The following ARHGAP6 variants were observed in gnomAD, a reference collection of about 807,000 sequenced individuals.
ARHGAP6 encodes the protein Rho GTPase activating protein 6.
ARHGAP6 carries 16 observed loss-of-function variants against 55.7 expected under a neutral mutation model. The ratio of observed to expected loss-of-function variants is 0.29; its 90% CI spans 0.19 to 0.44. ARHGAP6 has a LOEUF of 0.44. Among genes scored for constraint, ARHGAP6 ranks in the 20% least tolerant of loss-of-function variants. ARHGAP6 has a pLI of 1.00. For synonymous variants in ARHGAP6, 382 were observed against 360.9 expected (o/e 1.06, Z -0.66); for missense variants, 698 against 808.9 (o/e 0.86, Z 1.66).
chrX:11,369,166 T>TTTTG (rs753815332), intron 1 of ARHGAP6, among the ~76,000 whole-genome samples: 425 of 111,322 alleles, frequency 3.8e-3, no homozygotes, highest in Non-Finnish European at 5.3e-3. Flanking sequence ...GTGGTAGGTT[T>TTTTG]TTTGTTTGTT....
intron 1 of ARHGAP6, among the ~76,000 whole-genome samples, chrX:11,627,615 G>A (rs988224303): frequency 4.5e-5 from 5 of 110,986 alleles, no homozygotes; most frequent in African/African-American, 9.8e-5. Context: ...CCAGTAATTA[G>A]GTCAAAGTGA....
At chrX:11,243,625 A>C (rs2147464774) in intron 2 of ARHGAP6, among the ~76,000 whole-genome samples, 1 of 112,308 alleles carries the variant, frequency 8.9e-6, no homozygotes, top group African/African-American at 3.2e-5. Flanking sequence ...AAAGGAACTC[A>C]TCTCACCTTG....
At chrX:11,428,450 C>T (rs1379483234) in intron 1 of ARHGAP6, among the ~76,000 whole-genome samples, 1 of 112,107 alleles carries the variant, frequency 8.9e-6, no homozygotes, top group Non-Finnish European at 1.9e-5. Flanking sequence ...CTTTAAAACA[C>T]CTTGGAGAAG....
chrX:11,159,624 T>C (rs2045913431), intron 9 of ARHGAP6, among the ~76,000 whole-genome samples: 1 of 110,770 alleles, frequency 9.0e-6, no homozygotes, highest in Admixed American at 9.6e-5. Flanking sequence ...TTTTGGAGTG[T>C]GGTTTTGATA....
intron 1 of ARHGAP6, among the ~76,000 whole-genome samples, chrX:11,625,286 A>AGTGTGTGT (rs56128798): frequency 1.0e-5 from 1 of 98,023 alleles, no homozygotes; most frequent in East Asian, 3.1e-4. Context: ...GAAAATGTGG[A>AGTGTGTGT]GTGTGTGTGT....
chrX:11,639,200 A>G (rs1420571812), intron 1 of ARHGAP6, among the ~76,000 whole-genome samples: 1 of 110,189 alleles, frequency 9.1e-6, no homozygotes, highest in Non-Finnish European at 1.9e-5. Flanking sequence ...AGTATAAATT[A>G]TTTTACAATT....
chrX:11,278,361 G>A (rs1324450450), intron 1 of ARHGAP6, among the ~76,000 whole-genome samples: 1 of 111,222 alleles, frequency 9.0e-6, no homozygotes, highest in African/African-American at 3.3e-5. Context: ...AGAGTTTGAG[G>A]AAGATGTGAC....
chrX:11,158,268 G>C (rs889652110), intron 9 of ARHGAP6, among the ~76,000 whole-genome samples: 1 of 111,578 alleles, frequency 9.0e-6, no homozygotes, highest in Non-Finnish European at 1.9e-5. Flanking sequence ...GAAAACCCTG[G>C]AGGTTTTCCC....
intron 3 of ARHGAP6, among the ~76,000 whole-genome samples, chrX:11,191,855 C>T (rs1409277373): frequency 9.0e-6 from 1 of 111,722 alleles, no homozygotes; most frequent in East Asian, 2.8e-4. Context: ...CCTTTGCATC[C>T]TGGATATACT....
intron 1 of ARHGAP6, among the ~76,000 whole-genome samples, chrX:11,461,936 A>C (rs1023007922): frequency 8.9e-6 from 1 of 111,990 alleles, no homozygotes; most frequent in African/African-American, 3.3e-5. Context: ...CCTGAAGCCC[A>C]GGGCTAGGAG....
chrX:11,562,740 C>T (rs923816717), intron 1 of ARHGAP6, among the ~76,000 whole-genome samples: 1 of 111,651 alleles, frequency 9.0e-6, no homozygotes, highest in Non-Finnish European at 1.9e-5. Context: ...CTCTTTGCCA[C>T]TCCAACACTA....
intron 1 of ARHGAP6, among the ~76,000 whole-genome samples, chrX:11,520,586 A>C (rs1176967134): frequency 9.0e-6 from 1 of 110,831 alleles, no homozygotes; most frequent in Non-Finnish European, 1.9e-5. Context: ...GTTGGTTCCA[A>C]GTCTTTCCTA....
intron 1 of ARHGAP6, among the ~76,000 whole-genome samples, chrX:11,361,692 G>T (rs1196808252): frequency 9.0e-6 from 1 of 111,033 alleles, no homozygotes; most frequent in East Asian, 2.8e-4. Flanking sequence ...CACAGCAAAA[G>T]AAACTACCAT....
rs757659560 is a variant in ARHGAP6, at chrX:11,153,450, G to A, written c.1907+3079C>T. Among the ~76,000 whole-genome samples, 13 of 104,297 alleles carry A rather than the reference G, an allele frequency of 1.2e-4. No homozygotes were observed. In the Admixed American group the frequency reaches 1.2e-3, roughly 10 times the overall value. 90.6% of individuals were successfully genotyped at this position (104,297 alleles called of 115,157 possible). A position where few individuals can be genotyped will look rare whatever the true frequency, so the allele number is the denominator to read the frequency against. ...TGAGGCAGGAGAATCGTTTGAACCC[G>A]GGAGGTGGGGATTGCAGTGAGCCGA... On this transcript the variant is annotated intron_variant, in intron 10 of 12. Transcript: ENST00000337414.
intron 1 of ARHGAP6, among the ~76,000 whole-genome samples, chrX:11,325,589 G>C (rs1204224610): frequency 1.8e-5 from 2 of 112,010 alleles, no homozygotes; most frequent in African/African-American, 6.5e-5. Flanking sequence ...TGTTGTCACT[G>C]TTATTCACAT....
chrX:11,374,838 C>T (rs2049182904), intron 1 of ARHGAP6, among the ~76,000 whole-genome samples: 1 of 111,636 alleles, frequency 9.0e-6, no homozygotes, highest in Admixed American at 9.5e-5. Flanking sequence ...ATCAGGTCTC[C>T]TTTATGTCAT....
At chrX:11,494,616 C>T (rs984843460) in intron 1 of ARHGAP6, among the ~76,000 whole-genome samples, 1 of 112,383 alleles carries the variant, frequency 8.9e-6, no homozygotes, top group African/African-American at 3.2e-5. Context: ...ACACATACTC[C>T]TAGTGGTCAG....
intron 1 of ARHGAP6, among the ~76,000 whole-genome samples, chrX:11,662,592 A>G (rs758385972): frequency 4.4e-4 from 49 of 112,501 alleles, no homozygotes; most frequent in African/African-American, 1.5e-3. Context: ...CTTGTCCATT[A>G]ATTATGAGAT....
In ARHGAP6 at chrX:11,589,187, G is replaced by A. The variant is rs756883438; in HGVS notation, c.588+75054C>T. Among the ~76,000 whole-genome samples, 243 of 107,729 alleles carry A rather than the reference G, an allele frequency of 2.3e-3. 2 individuals are homozygous for A. Among genetic ancestry groups the A allele is most frequent in the Middle Eastern group, 0.014 (3 of 213 alleles). The allele number at this position is 107,729 out of a possible 115,157, so 93.5% of individuals were successfully genotyped here. A position where few individuals can be genotyped will look rare whatever the true frequency, so the allele number is the denominator to read the frequency against. Reference sequence around the variant, plus strand: ...TTCCTGAGTAGCTGGTACTACAGGCGCATGCCACCACGCCCGGCTAATTTT... The same window carrying A: ...TTCCTGAGTAGCTGGTACTACAGGCACATGCCACCACGCCCGGCTAATTTT... On this transcript the variant is annotated intron_variant, in intron 1 of 12. Coordinates refer to ENST00000337414, the MANE Select transcript of ARHGAP6 (RefSeq NM_013427.3).
Sources: gnomAD v4.1 joint callset for allele counts (sites outside exome capture counted in the v4.1 genomes callset) on GRCh38, gnomAD v4.1.1 for gene constraint, MANE v1.5 for transcripts, NCBI Gene and HGNC (gene_info 2026-07-23, HGNC 2026-07-21) for gene names.